QRICH1: variants seen among roughly 807,000 people sequenced by gnomAD.
QRICH1 encodes transcriptional regulator QRICH1.
QRICH1 carries 16 observed loss-of-function variants against 87.1 expected under a neutral mutation model. That is an observed-to-expected ratio of 0.18 (90% CI 0.12 to 0.28). The LOEUF is 0.28. QRICH1 is among the 10% of genes least tolerant of loss of function. The pLI is 1.00. For missense variants in QRICH1, 647 were observed against 951.7 expected, an observed-to-expected ratio of 0.68 and a Z score of 4.21; for synonymous variants, 367 against 368.4, an observed-to-expected ratio of 1.00 and a Z score of 0.05.
chr3:49,088,028 T>C (rs368329957), intron 1 of QRICH1, among the ~76,000 whole-genome samples: 2 of 151,290 alleles, frequency 1.3e-5, no homozygotes, highest in South Asian at 2.1e-4. Flanking sequence ...CTCGGCTCAC[T>C]GCAAGCTCTG....
chr3:49,094,357 C>T (rs1008884935), upstream of QRICH1: 2 of 270,966 alleles, frequency 7.4e-6, no homozygotes, highest in Admixed American at 5.3e-5. Context: ...CCGCCAGAGC[C>T]TCCTTTGGTC....
chr3:49,047,485 T>G (rs1016341616), intron 3 of QRICH1, among the ~76,000 whole-genome samples: 3 of 149,612 alleles, frequency 2.0e-5, no homozygotes, highest in African/African-American at 7.4e-5. Context: ...AAATGTTTTT[T>G]TTTTTTTTTT....
intron 2 of QRICH1, among the ~76,000 whole-genome samples, chr3:49,058,441 C>T (rs2093415886): frequency 6.6e-6 from 1 of 152,028 alleles, no homozygotes; most frequent in Non-Finnish European, 1.5e-5. Context: ...ATTCTTGAAG[C>T]CAGCCTCCCG....
intron 2 of QRICH1, among the ~76,000 whole-genome samples, chr3:49,076,070 C>T (rs1465446490): frequency 6.6e-6 from 1 of 152,054 alleles, no homozygotes; most frequent in Admixed American, 6.5e-5. Flanking sequence ...AGTGAAACCC[C>T]GTCTCTATTA....
At chr3:49,088,863 A>G (rs899191838) in intron 1 of QRICH1, among the ~76,000 whole-genome samples, 2 of 150,766 alleles carry the variant, frequency 1.3e-5, no homozygotes, top group Non-Finnish European at 3.0e-5. Flanking sequence ...GGCTCAAGCA[A>G]TCCTCCCACC....
chr3:49,038,036 TAA>T (rs1238355711), intron 6 of QRICH1, among the ~76,000 whole-genome samples: 3 of 151,944 alleles, frequency 2.0e-5, no homozygotes, highest in Non-Finnish European at 2.9e-5. Context: ...ATGAAATTTA[TAA>T]GACTATTAAA....
chr3:49,092,691 GAACA>G lies in QRICH1; in HGVS notation c.-22+1217_-22+1220del, dbSNP rs150274868. 7.1e-3 allele frequency among the ~76,000 whole-genome samples: 1,087 copies of G among 152,148 alleles called. 14 individuals are homozygous for G. Among genetic ancestry groups the G allele is most frequent in the African/African-American group, 0.024 (1,009 of 41,502 alleles). ...GAAAAAAGAGGTGCCTATTTCTCTA[GAACA>G]AACCTAGAACTTCCTTGACACCAAA... is the stretch of plus-strand genomic sequence containing the variant. On this transcript the variant is annotated intron_variant, in intron 1 of 9. Coordinates refer to ENST00000395443, the MANE Select transcript of QRICH1 (RefSeq NM_198880.3).
At chr3:49,070,835 T>C (rs191546882) in intron 2 of QRICH1, among the ~76,000 whole-genome samples, 3 of 152,298 alleles carry the variant, frequency 2.0e-5, no homozygotes, top group Non-Finnish European at 2.9e-5. Context: ...ATGGATGTCA[T>C]TATATTTGTT....
At chr3:49,031,451 T>C (rs905649760) in intron 9 of QRICH1, among the ~76,000 whole-genome samples, 2 of 152,186 alleles carry the variant, frequency 1.3e-5, no homozygotes, top group African/African-American at 4.8e-5. Flanking sequence ...CAAGGGTTAC[T>C]AGTGCCAGGT....
At position 49,057,960 on chromosome 3, in the gene QRICH1, GAAAA is replaced by G. The variant is rs1180510632; in HGVS notation, c.310-74_310-71del. ...AAAATCCAGTACCCAAGGAAAGAAA[GAAAA>G]GAGATCCCAGACAGGGGACCTGCAA... On this transcript the variant is annotated intron_variant, in intron 2 of 9. Transcript: ENST00000395443. The surrounding 1 kb of genome is among the most constrained non-coding windows in gnomAD (Gnocchi z 5.4). 6.2e-7 allele frequency: 1 copy of G among 1,611,124 alleles called. No homozygotes were observed. The highest frequency in any genetic ancestry group is 1.3e-5 in the African/African-American group (1 of 74,842).
intron 2 of QRICH1, among the ~76,000 whole-genome samples, chr3:49,073,886 C>G (rs2041897409): frequency 6.6e-6 from 1 of 151,862 alleles, no homozygotes; most frequent in South Asian, 2.1e-4. Flanking sequence ...TGGGCTCAAG[C>G]AATCCTCCCA....
intron 6 of QRICH1, among the ~76,000 whole-genome samples, chr3:49,037,560 C>T (rs1047045579): frequency 6.6e-6 from 1 of 152,142 alleles, no homozygotes; most frequent in African/African-American, 2.4e-5. Context: ...GGTGAAACCC[C>T]GTATCAACTG....
At chr3:49,039,581 A>T (rs1285897758) in intron 6 of QRICH1, among the ~76,000 whole-genome samples, 1 of 143,178 alleles carries the variant, frequency 7.0e-6, no homozygotes, top group African/African-American at 2.6e-5. Context: ...AGATTGCACC[A>T]CTGCACTCCA....
chr3:49,067,309 T>C (rs2093474247), intron 2 of QRICH1, among the ~76,000 whole-genome samples: 2 of 152,214 alleles, frequency 1.3e-5, no homozygotes, highest in Admixed American at 6.6e-5. Flanking sequence ...GGCTCACGCC[T>C]GTAATCCCAG....
At chr3:49,040,547 A>G (rs1046533585) in intron 6 of QRICH1, among the ~76,000 whole-genome samples, 2 of 152,256 alleles carry the variant, frequency 1.3e-5, no homozygotes, top group African/African-American at 4.8e-5. Flanking sequence ...CTTCACTGCT[A>G]TATTATATTC....
chr3:49,091,648 A>C (rs1276049618), intron 1 of QRICH1, among the ~76,000 whole-genome samples: 1 of 152,260 alleles, frequency 6.6e-6, no homozygotes, highest in Non-Finnish European at 1.5e-5. Flanking sequence ...ACCCGAAGGA[A>C]GACATCTAAT....
At chr3:49,035,758 A>AG (rs953002112) in intron 6 of QRICH1, among the ~76,000 whole-genome samples, 2 of 152,176 alleles carry the variant, frequency 1.3e-5, no homozygotes, top group African/African-American at 4.8e-5. Context: ...ATTGTACTCC[A>AG]GCCTGGGAGA....
intron 1 of QRICH1, among the ~76,000 whole-genome samples, chr3:49,086,417 C>T (rs1295664886): frequency 6.6e-6 from 1 of 151,882 alleles, no homozygotes; most frequent in African/African-American, 2.4e-5. Flanking sequence ...CCACCACGCC[C>T]GGCTAATTTT....
intron 5 of QRICH1, 105 bp downstream of exon 5, chr3:49,046,320 G>T: frequency 8.3e-7 from 1 of 1,212,090 alleles, no homozygotes; most frequent in Non-Finnish European, 1.1e-6. Context: ...ACCTGAAAGA[G>T]AACTTCCTTA....
Sources: gnomAD v4.1 joint callset for allele counts (sites outside exome capture counted in the v4.1 genomes callset) on GRCh38, gnomAD v4.1.1 for gene constraint, Gnocchi (gnomAD v3.1) non-coding constraint, MANE v1.5 for transcripts, NCBI Gene and HGNC (gene_info 2026-07-23, HGNC 2026-07-21) for gene names.